Variants in FAT3 observed in about 807,000 individuals in gnomAD.
FAT3 encodes the protein protocadherin Fat 3.
FAT3 carries 95 observed loss-of-function variants against 310.2 expected under a neutral mutation model. That is an observed-to-expected ratio of 0.31 (90% confidence interval 0.26 to 0.36). The LOEUF is 0.36. Ranked by LOEUF, FAT3 falls within the 10% of genes least tolerant of loss-of-function variation. The pLI, the probability that FAT3 is intolerant of heterozygous loss-of-function variation, is 1.00. For synonymous variants in FAT3, 2,314 were observed against 2,192.9 expected, an observed-to-expected ratio of 1.06 and a Z score of -1.54; for missense variants, 5,408 against 5,715.6, an observed-to-expected ratio of 0.95 and a Z score of 1.74.
chr11:92,718,371 G>A (rs1944752716), intron 4 of FAT3, among the ~76,000 whole-genome samples: 1 of 152,136 alleles, frequency 6.6e-6, no homozygotes, highest in Admixed American at 6.5e-5. Context: ...TATATGGTGG[G>A]TGGGGGTAGG....
chr11:92,239,873 C>G (rs1354613262), intron 1 of FAT3, among the ~76,000 whole-genome samples: 1 of 152,040 alleles, frequency 6.6e-6, no homozygotes, highest in East Asian at 1.9e-4. Flanking sequence ...CTTGCCTTTC[C>G]TATTATCTGG....
At chr11:92,860,442 C>T (rs1949091743) in intron 21 of FAT3, among the ~76,000 whole-genome samples, 1 of 152,152 alleles carries the variant, frequency 6.6e-6, no homozygotes, top group Non-Finnish European at 1.5e-5. Flanking sequence ...ATCTGTAGAC[C>T]AGATTCAGCC....
At chr11:92,376,494 T>C (rs1378599139) in intron 2 of FAT3, among the ~76,000 whole-genome samples, 2 of 152,180 alleles carry the variant, frequency 1.3e-5, no homozygotes, top group Non-Finnish European at 2.9e-5. Flanking sequence ...TCACTTAACA[T>C]GCAGAGCTTG....
At chr11:92,876,584 C>T (rs1461827558) in intron 22 of FAT3, among the ~76,000 whole-genome samples, 1 of 152,180 alleles carries the variant, frequency 6.6e-6, no homozygotes, top group African/African-American at 2.4e-5. Context: ...ATGTGTCACT[C>T]TCTGAGTCTC....
intron 3 of FAT3, among the ~76,000 whole-genome samples, chr11:92,652,692 G>T (rs538310849): frequency 6.6e-6 from 1 of 152,302 alleles, no homozygotes; most frequent in South Asian, 2.1e-4. Context: ...AGACACCGGG[G>T]CTGGGAAACG....
intron 3 of FAT3, among the ~76,000 whole-genome samples, chr11:92,580,396 C>A (rs964417836): frequency 6.6e-6 from 1 of 152,028 alleles, no homozygotes; most frequent in African/African-American, 2.4e-5. Flanking sequence ...AAAAGTCTTA[C>A]CCATATTTAA....
intron 3 of FAT3, among the ~76,000 whole-genome samples, chr11:92,668,535 A>G (rs1206884550): frequency 2.6e-5 from 4 of 152,174 alleles, no homozygotes; most frequent in Non-Finnish European, 5.9e-5. Flanking sequence ...TGGACTCACA[A>G]ATATGGGCTT....
At chr11:92,710,288 A>C (rs1163305215) in intron 4 of FAT3, among the ~76,000 whole-genome samples, 2 of 152,152 alleles carry the variant, frequency 1.3e-5, no homozygotes, top group Non-Finnish European at 2.9e-5. Flanking sequence ...TTTTGAATTG[A>C]AGGCTATGAA....
At position 92,769,728 on chromosome 11, in the gene FAT3, AG is replaced by A. The variant is rs778522740; in HGVS notation, c.4196-4312del. Reference sequence around the variant, plus strand: ...CTTTGAAAATGTTTCTCTGTTGGTGAGTGATAGAACGTAGTTCCAACTCCAG... The same window carrying A: ...CTTTGAAAATGTTTCTCTGTTGGTGATGATAGAACGTAGTTCCAACTCCAG... On this transcript the variant is annotated intron_variant, in intron 6 of 27. Transcript: ENST00000525166. Among the ~76,000 whole-genome samples the A allele has an allele frequency of 1.2e-4, 18 of 152,198 alleles. 1 individual carries two copies. The highest frequency in any genetic ancestry group is 6.3e-3 in the Middle Eastern group (2 of 316).
intron 3 of FAT3, among the ~76,000 whole-genome samples, chr11:92,618,209 C>A (rs512125): frequency 0.15 from 22,084 of 152,224 alleles, 1,738 homozygotes; most frequent in African/African-American, 0.18. Flanking sequence ...AGCCTTGCTG[C>A]CTTGCAGTTT....
At chr11:92,286,774 A>G (rs765995976) in intron 1 of FAT3, among the ~76,000 whole-genome samples, 40 of 152,308 alleles carry the variant, frequency 2.6e-4, no homozygotes, top group Non-Finnish European at 5.1e-4. Flanking sequence ...TCTGTTAGAG[A>G]AAAGCGACTC....
chr11:92,447,636 T>TG (rs1951252174), intron 2 of FAT3, among the ~76,000 whole-genome samples: 1 of 152,130 alleles, frequency 6.6e-6, no homozygotes, highest in South Asian at 2.1e-4. Flanking sequence ...GAAATTTCCC[T>TG]GGTCTTACTT....
intron 2 of FAT3, among the ~76,000 whole-genome samples, chr11:92,507,531 A>T (rs1420143564): frequency 6.6e-6 from 1 of 151,882 alleles, no homozygotes; most frequent in African/African-American, 2.4e-5. Flanking sequence ...ATGTATATAT[A>T]CACACATACA....
At chr11:92,477,162 C>A (rs1422695063) in intron 2 of FAT3, among the ~76,000 whole-genome samples, 1 of 152,170 alleles carries the variant, frequency 6.6e-6, no homozygotes, top group Non-Finnish European at 1.5e-5. Context: ...GACTGTCTGA[C>A]AGCTTTATTT....
chr11:92,283,129 C>T lies in FAT3; in HGVS notation c.-18+57955C>T, dbSNP rs567016112. On this transcript the variant is annotated intron_variant, in intron 1 of 27. Transcript: ENST00000525166. The stretch of plus-strand genomic sequence containing the variant: ...GGTGTTCTGTGCTCTGTCTACAGCC[C>T]AGCCCGATTGTCTTAATCCTTGGAA... Among the ~76,000 whole-genome samples the T allele has an allele frequency of 3.9e-5, 6 of 152,244 alleles. No homozygotes were observed. In the South Asian group the frequency reaches 1.2e-3, roughly 32 times the overall value.
intron 1 of FAT3, among the ~76,000 whole-genome samples, chr11:92,320,162 G>A (rs887570531): frequency 3.3e-5 from 5 of 152,118 alleles, no homozygotes; most frequent in Non-Finnish European, 7.3e-5. Flanking sequence ...AAGTAATTGC[G>A]ATTTTTGCAA....
At chr11:92,889,093 CTGT>C (rs375247936) in intron 25 of FAT3, 93 bp from the exon 26 acceptor site, 61 of 601,164 alleles carry the variant, frequency 1.0e-4, no homozygotes, top group South Asian at 2.8e-4. Flanking sequence ...TTCATTGTTG[CTGT>C]TGTTGTTGTT....
intron 3 of FAT3, among the ~76,000 whole-genome samples, chr11:92,653,820 A>G (rs1004055728): frequency 1.3e-5 from 2 of 151,810 alleles, no homozygotes; most frequent in Non-Finnish European, 2.9e-5. Flanking sequence ...ATCCTTTCCT[A>G]TTTTTCACTA....
intron 2 of FAT3, among the ~76,000 whole-genome samples, chr11:92,472,053 A>T (rs569149347): frequency 6.6e-6 from 1 of 151,146 alleles, no homozygotes; most frequent in South Asian, 2.1e-4. Flanking sequence ...TTATTTTGGG[A>T]GTTCACATGG....
Sources: allele counts gnomAD v4.1 joint callset (sites outside exome capture counted in the v4.1 genomes callset), GRCh38; gene constraint gnomAD v4.1.1; transcripts MANE v1.5; gene names NCBI Gene and HGNC (gene_info 2026-07-23, HGNC 2026-07-21).